CFAP95: variants seen among roughly 807,000 people sequenced by gnomAD.
The protein encoded by CFAP95 is cilia- and flagella-associated protein 95.
At chr9:69,831,492 C>A in the CFAP95 span, among the ~76,000 whole-genome samples, 10 of 151,926 alleles carry the variant, frequency 6.6e-5, no homozygotes, top group Admixed American at 3.9e-4. Context: ...CTGTTGAAAG[C>A]ACTTTGCTGG....
At chr9:69,873,686 C>T in the CFAP95 span, among the ~76,000 whole-genome samples, 11 of 152,200 alleles carry the variant, frequency 7.2e-5, no homozygotes, top group East Asian at 1.9e-4. Context: ...CTAGATGACC[C>T]GTCTGATTTG....
At chr9:69,836,453 T>A in the CFAP95 span, among the ~76,000 whole-genome samples, 1 of 152,168 alleles carries the variant, frequency 6.6e-6, no homozygotes, top group Non-Finnish European at 1.5e-5. Context: ...TCTCCAGGCA[T>A]GGCCAAATGT....
At chr9:69,851,882 A>G in the CFAP95 span, among the ~76,000 whole-genome samples, 1 of 151,760 alleles carries the variant, frequency 6.6e-6, no homozygotes, top group Non-Finnish European at 1.5e-5. Flanking sequence ...TAGAGAAAAA[A>G]AAAAAAGAAG....
the CFAP95 span, among the ~76,000 whole-genome samples, chr9:69,834,232 C>T: frequency 1.3e-5 from 2 of 152,116 alleles, no homozygotes; most frequent in African/African-American, 2.4e-5. Flanking sequence ...CCTACTTTTC[C>T]ACCACCCAGT....
chr9:69,843,603 CT>C, the CFAP95 span, among the ~76,000 whole-genome samples: 9 of 73,220 alleles, frequency 1.2e-4, no homozygotes, highest in African/African-American at 6.6e-4. Flanking sequence ...TCTTCTTCTT[CT>C]TCTTCTTCTT....
chr9:69,861,621 A>C, the CFAP95 span, among the ~76,000 whole-genome samples: 1 of 150,474 alleles, frequency 6.6e-6, no homozygotes, highest in South Asian at 2.1e-4. Context: ...TTGCTGACTT[A>C]GGATTCATTC....
the CFAP95 span, among the ~76,000 whole-genome samples, chr9:69,870,367 T>G: frequency 1.3e-5 from 2 of 152,166 alleles, no homozygotes; most frequent in Non-Finnish European, 2.9e-5. Context: ...ACCTAACTAA[T>G]AGCAGCTTGA....
chr9:69,879,123 G>A, the CFAP95 span, among the ~76,000 whole-genome samples: 1 of 152,070 alleles, frequency 6.6e-6, no homozygotes, highest in African/African-American at 2.4e-5. Context: ...ATTTGGGCAG[G>A]GACAAATATC....
At chr9:69,864,059 TC>T in the CFAP95 span, among the ~76,000 whole-genome samples, 1 of 152,032 alleles carries the variant, frequency 6.6e-6, no homozygotes, top group African/African-American at 2.4e-5. Flanking sequence ...AGTACTGAGT[TC>T]CCACTGGAGG....
chr9:69,864,281 A>G, the CFAP95 span, among the ~76,000 whole-genome samples: 1 of 152,088 alleles, frequency 6.6e-6, no homozygotes. Context: ...TGGGATCACT[A>G]AGTAGCTTTT....
the CFAP95 span, among the ~76,000 whole-genome samples, chr9:69,856,328 T>C: frequency 6.6e-6 from 1 of 152,348 alleles, no homozygotes; most frequent in Admixed American, 6.5e-5. Flanking sequence ...GTTCTTTCTG[T>C]TTCATAGAAA....
chr9:69,892,143 G>A, the CFAP95 span, among the ~76,000 whole-genome samples: 91,874 of 151,992 alleles, frequency 0.6, 28,117 homozygotes, highest in East Asian at 0.82. Context: ...TTTTTAGCAT[G>A]TAATTCAATG....
the CFAP95 span, among the ~76,000 whole-genome samples, chr9:69,888,095 C>A: frequency 6.6e-6 from 1 of 152,048 alleles, no homozygotes; most frequent in African/African-American, 2.4e-5. Context: ...ACTAAACTAA[C>A]TATAAACCAA....
At chr9:69,845,990 C>G in the CFAP95 span, among the ~76,000 whole-genome samples, 2 of 152,328 alleles carry the variant, frequency 1.3e-5, no homozygotes, top group East Asian at 3.9e-4. Flanking sequence ...CATTCCCCCA[C>G]AAACACAGCT....
chr9:69,885,548 T>A, the CFAP95 span, among the ~76,000 whole-genome samples: 1 of 152,188 alleles, frequency 6.6e-6, no homozygotes, highest in Non-Finnish European at 1.5e-5. Flanking sequence ...CAGTTTATGA[T>A]TTCCCATTAT....
the CFAP95 span, chr9:69,857,774 C>T: frequency 1.1e-4 from 73 of 662,716 alleles, 1 homozygote; most frequent in African/African-American, 9.5e-4. Flanking sequence ...GCAATCCTCC[C>T]GTCTCGGCCT....
the CFAP95 span, among the ~76,000 whole-genome samples, chr9:69,860,015 G>A: frequency 9.2e-5 from 14 of 152,186 alleles, no homozygotes; most frequent in African/African-American, 3.1e-4. Flanking sequence ...GTTGCTCTGG[G>A]TGAGTCCATG....
At chr9:69,824,975 C>T in the CFAP95 span, among the ~76,000 whole-genome samples, 2 of 152,134 alleles carry the variant, frequency 1.3e-5, no homozygotes, top group South Asian at 2.1e-4. Context: ...CTTGTTCTTC[C>T]GTATCCAACC....
chr9:69,852,738 C>G, the CFAP95 span, among the ~76,000 whole-genome samples: 1 of 152,192 alleles, frequency 6.6e-6, no homozygotes, highest in Non-Finnish European at 1.5e-5. Context: ...CAAATCTCAT[C>G]TTGTAGCTCC....
Sources: allele counts gnomAD v4.1 joint callset (sites outside exome capture counted in the v4.1 genomes callset), GRCh38; gene constraint gnomAD v4.1.1; transcripts MANE v1.5; gene names NCBI Gene and HGNC (gene_info 2026-07-23, HGNC 2026-07-21).